The following SFT2D1 variants were observed in gnomAD, a reference collection of about 807,000 sequenced individuals.
SFT2D1 encodes vesicle transport protein SFT2A.
A neutral mutation model predicts 28.1 loss-of-function variants in SFT2D1; 24 were observed. The observed-to-expected ratio is 0.85, with a 90% CI of 0.62 to 1.20. SFT2D1 has a LOEUF of 1.20. Among genes scored for constraint, SFT2D1 ranks in the 50% most tolerant of loss-of-function variants. The probability of loss-of-function intolerance (pLI) is 0.00; values close to 1 mark genes in which losing one functional copy is unlikely to be tolerated. For missense variants in SFT2D1, 181 were observed against 190.9 expected (o/e 0.95, Z 0.31); for synonymous variants, 82 against 73.7 (o/e 1.11, Z -0.58).
intron 7 of SFT2D1, among the ~76,000 whole-genome samples, chr6:166,321,260 C>T (rs879510507): frequency 2.0e-5 from 3 of 152,146 alleles, no homozygotes; most frequent in Non-Finnish European, 4.4e-5. Flanking sequence ...AAAGCTTTTA[C>T]CTAGGCCATA....
At chr6:166,337,196 G>C (rs181404284) in intron 1 of SFT2D1, among the ~76,000 whole-genome samples, 3 of 152,324 alleles carry the variant, frequency 2.0e-5, no homozygotes, top group East Asian at 3.9e-4. Context: ...TCCTAGCCCA[G>C]TGCCTTATTT....
intron 5 of SFT2D1, among the ~76,000 whole-genome samples, chr6:166,325,589 C>T (rs184442781): frequency 6.6e-5 from 10 of 152,350 alleles, no homozygotes; most frequent in Admixed American, 2.6e-4. Flanking sequence ...CCTTGCTACT[C>T]GGCAGCACAC....
chr6:166,338,298 AAAC>A (rs1778699225), intron 1 of SFT2D1, among the ~76,000 whole-genome samples: 1 of 152,176 alleles, frequency 6.6e-6, no homozygotes. Context: ...ACCCAAATCC[AAAC>A]AACTCACTCA....
intron 1 of SFT2D1, among the ~76,000 whole-genome samples, chr6:166,330,905 C>CACGCACCAG (rs1778538032): frequency 6.6e-6 from 1 of 152,244 alleles, no homozygotes. Context: ...ACGATCACAG[C>CACGCACCAG]ACGCACCAGA....
At position 166,339,113 on chromosome 6, in the gene SFT2D1, A is replaced by T. The variant is rs187963406; in HGVS notation, c.63+3306T>A. On this transcript the variant is annotated intron_variant, in intron 1 of 7. Transcript: ENST00000361731. ...TTCAGGTCTGTGCGCCTTTAATCCC[A>T]TCTCATCTCCTACCCATCTCCAAAA... Among the ~76,000 whole-genome samples the T allele has an allele frequency of 8.6e-5, 13 of 151,886 alleles. No homozygotes were observed. The East Asian group carries it at 2.3e-3, about 27-fold the overall frequency.
intron 1 of SFT2D1, among the ~76,000 whole-genome samples, chr6:166,341,856 G>C (rs1349502549): frequency 6.6e-6 from 1 of 151,884 alleles, no homozygotes; most frequent in African/African-American, 2.4e-5. Flanking sequence ...TCTTACCAGG[G>C]CTCACTGCCT....
chr6:166,324,547 AC>A lies in SFT2D1; in HGVS notation c.399del (p.Leu133PhefsTer3). 6.2e-7 allele frequency: 1 copy of A among 1,612,480 alleles called. No homozygotes were observed. The highest frequency in any genetic ancestry group is 8.5e-7 in the Non-Finnish European group (1 of 1,179,740). ...TAAGGAAAGACTTACCAGGTCATTG[AC>A]AAGAACTGCAATATGCAGAATAACA... Reference protein sequence around the residue: ...LAVLFCILQFLSMTWYSLSYI... With the variant: ...LAVLFCILQFXSMTWYSLSYI... On this transcript the variant is annotated frameshift_variant, in exon 6 of 8. Transcript: ENST00000361731. LOFTEE classifies it high-confidence loss of function.
chr6:166,329,017 G>T (rs1229538153), intron 3 of SFT2D1, among the ~76,000 whole-genome samples: 1 of 152,144 alleles, frequency 6.6e-6, no homozygotes, highest in Non-Finnish European at 1.5e-5. Flanking sequence ...TCATTAAAAT[G>T]TAAGCTCCAC....
chr6:166,341,262 A>G (rs576697013), intron 1 of SFT2D1, among the ~76,000 whole-genome samples: 24 of 152,242 alleles, frequency 1.6e-4, no homozygotes, highest in South Asian at 1.4e-3. Context: ...CCTGACCAAC[A>G]TGGTGAAACC....
At chr6:166,324,500 C>A (rs780211183) in intron 6 of SFT2D1, 37 bp downstream of exon 6, 35 of 1,585,372 alleles carry the variant, frequency 2.2e-5, no homozygotes, top group Middle Eastern at 1.7e-4. Flanking sequence ...ACGTCTCAGG[C>A]AATTTTAACA....
At chr6:166,338,328 G>A (rs540851007) in intron 1 of SFT2D1, among the ~76,000 whole-genome samples, 1 of 152,296 alleles carries the variant, frequency 6.6e-6, no homozygotes, top group South Asian at 2.1e-4. Context: ...TGTTCAACAA[G>A]TAGTTATGAA....
intron 2 of SFT2D1, 117 bp from the exon 3 acceptor site, chr6:166,329,706 C>A: frequency 1.2e-6 from 1 of 816,180 alleles, no homozygotes. Context: ...AAATACAAAT[C>A]TGCTTGTAGA....
intron 1 of SFT2D1, among the ~76,000 whole-genome samples, chr6:166,340,316 TA>T (rs1348219278): frequency 1.3e-5 from 2 of 152,216 alleles, no homozygotes; most frequent in Non-Finnish European, 2.9e-5. Context: ...AGTGATCCTT[TA>T]AAATCCAAGT....
At chr6:166,329,408 A>T in intron 3 of SFT2D1, 99 bp downstream of exon 3, 1 of 904,946 alleles carries the variant, frequency 1.1e-6, no homozygotes, top group Non-Finnish European at 1.7e-6. Context: ...AATTCACAGT[A>T]TGTACAGAAC....
At chr6:166,339,477 T>C (rs1448898282) in intron 1 of SFT2D1, among the ~76,000 whole-genome samples, 1 of 152,110 alleles carries the variant, frequency 6.6e-6, no homozygotes, top group Non-Finnish European at 1.5e-5. Flanking sequence ...CCCCACTGCA[T>C]CCTTCAACTA....
rs768058017 is a variant in SFT2D1, at chr6:166,320,303, A to G, written c.441-47T>C. On this transcript the variant is annotated intron_variant, in intron 7 of 7. Transcript: ENST00000361731. ...AAAACAGAATATAATATTCCTCAAA[A>G]GCAAAGTTGCGCAAAATGTTCCTGC... 4 of 1,540,364 alleles carry G rather than the reference A, an allele frequency of 2.6e-6. No individual in the cohort carries two copies. The Admixed American group carries it at 7.3e-5, about 28-fold the overall frequency.
intron 1 of SFT2D1, among the ~76,000 whole-genome samples, chr6:166,336,873 G>A (rs1460291811): frequency 6.6e-6 from 1 of 152,150 alleles, no homozygotes; most frequent in South Asian, 2.1e-4. Context: ...TGTGGCCTGG[G>A]GCCTCTTTTT....
intron 1 of SFT2D1, among the ~76,000 whole-genome samples, chr6:166,332,200 C>T (rs1002577315): frequency 2.6e-5 from 4 of 152,170 alleles, no homozygotes; most frequent in Non-Finnish European, 4.4e-5. Context: ...CTGTGATATG[C>T]TTCAACATGA....
chr6:166,341,864 C>A (rs949426122), intron 1 of SFT2D1, among the ~76,000 whole-genome samples: 2 of 152,002 alleles, frequency 1.3e-5, no homozygotes, highest in Non-Finnish European at 2.9e-5. Context: ...GGGCTCACTG[C>A]CTTAACAGAA....
Sources: gnomAD v4.1 joint callset for allele counts (sites outside exome capture counted in the v4.1 genomes callset) on GRCh38, gnomAD v4.1.1 for gene constraint, MANE v1.5 for transcripts, NCBI Gene and HGNC (gene_info 2026-07-23, HGNC 2026-07-21) for gene names.